Variants in EFCAB7 observed in about 807,000 individuals in gnomAD.
The protein encoded by EFCAB7 is EF-hand calcium binding domain 7, also known as EF-hand calcium-binding domain-containing protein 7.
EFCAB7 carries 66 observed loss-of-function variants against 77.1 expected under a neutral mutation model. The observed-to-expected ratio is 0.86, with a 90% confidence interval of 0.70 to 1.05. The LOEUF is 1.05. Ranked by LOEUF, EFCAB7 falls within the 50% of genes least tolerant of loss-of-function variation. EFCAB7 has a pLI of 0.00. For missense variants in EFCAB7, 638 were observed against 730.5 expected, an observed-to-expected ratio of 0.87 and a Z score of 1.46; for synonymous variants, 225 against 243.3, an observed-to-expected ratio of 0.92 and a Z score of 0.70.
chr1:63,583,938 C>CAAA, the EFCAB7 span, among the ~76,000 whole-genome samples: 693 of 82,582 alleles, frequency 8.4e-3, 11 homozygotes, highest in African/African-American at 0.03. Context: ...TGGATATGGC[C>CAAA]AAAAAAAAAA....
chr1:63,558,550 A>T (rs1050637318), intron 10 of EFCAB7, among the ~76,000 whole-genome samples: 31 of 152,302 alleles, frequency 2.0e-4, no homozygotes, highest in Admixed American at 1.8e-3. Context: ...AAAAGTCTCC[A>T]AGAGTTATTG....
chr1:63,529,224 A>G (rs770645845), intron 2 of EFCAB7: 3 of 152,226 alleles, frequency 2.0e-5, no homozygotes, highest in Admixed American at 6.5e-5. Flanking sequence ...CTCCAATGCA[A>G]TGAATTTCCA....
intron 2 of EFCAB7, among the ~76,000 whole-genome samples, chr1:63,530,911 T>A (rs755357024): frequency 1.3e-5 from 2 of 152,206 alleles, no homozygotes; most frequent in Non-Finnish European, 2.9e-5. Flanking sequence ...GGGTACAATT[T>A]GACATTTCAA....
Position 63,532,720 on chromosome 1 carries a change from T to C in EFCAB7, c.450T>C (p.Ala150=). 6.2e-7 allele frequency: 1 copy of C among 1,605,894 alleles called. No homozygotes were observed. Among genetic ancestry groups the C allele is most frequent in the Non-Finnish European group, 8.5e-7 (1 of 1,176,868 alleles). Residue 150 remains alanine, a synonymous_variant, in exon 4 of 14, where the codon GCT becomes GCC. Transcript: ENST00000371088. ...REEVNAIINL[A]DVNADGKFDY... ...AAGTAAATGCCATAATAAATTTGGCTGATGTAAATGCTGATGGCAAATTTG... is the reference window on the plus strand; with the variant it reads ...AAGTAAATGCCATAATAAATTTGGCCGATGTAAATGCTGATGGCAAATTTG...
the EFCAB7 span, among the ~76,000 whole-genome samples, chr1:63,584,568 TAC>T: frequency 6.6e-6 from 1 of 152,020 alleles, no homozygotes; most frequent in Non-Finnish European, 1.5e-5. Flanking sequence ...AGAAAAAAAT[TAC>T]AGTGTATTTC....
intron 10 of EFCAB7, among the ~76,000 whole-genome samples, chr1:63,560,659 G>A (rs1369233882): frequency 6.6e-6 from 1 of 151,804 alleles, no homozygotes; most frequent in Non-Finnish European, 1.5e-5. Context: ...GGGACTACAG[G>A]TGCATGCCAG....
At chr1:63,544,156 A>G (rs910651483) in intron 6 of EFCAB7, among the ~76,000 whole-genome samples, 1 of 151,352 alleles carries the variant, frequency 6.6e-6, no homozygotes, top group East Asian at 2.0e-4. Flanking sequence ...TTTAGTAGAG[A>G]TGGTGTTTTG....
At chr1:63,581,706 T>A in the EFCAB7 span, among the ~76,000 whole-genome samples, 1 of 152,178 alleles carries the variant, frequency 6.6e-6, no homozygotes, top group African/African-American at 2.4e-5. Flanking sequence ...ATTGGAAAAT[T>A]TTTTGGAGAT....
At chr1:63,560,908 G>C (rs1207728000) in intron 10 of EFCAB7, among the ~76,000 whole-genome samples, 1 of 152,166 alleles carries the variant, frequency 6.6e-6, no homozygotes, top group Non-Finnish European at 1.5e-5. Context: ...ACACAAAAGA[G>C]ATGCCATCTC....
At chr1:63,580,205 A>AT in the EFCAB7 span, among the ~76,000 whole-genome samples, 1 of 152,194 alleles carries the variant, frequency 6.6e-6, no homozygotes, top group African/African-American at 2.4e-5. Context: ...TACTTCATAC[A>AT]TTTATATGTG....
intron 12 of EFCAB7, chr1:63,570,725 A>G (rs1457998697): frequency 5.2e-6 from 1 of 193,944 alleles, no homozygotes; most frequent in African/African-American, 2.3e-5. Context: ...CACTATTGCT[A>G]TCATAAGTCA....
Position 63,529,442 on chromosome 1 carries a change from G to A in EFCAB7, c.188-2378G>A, listed in dbSNP as rs922508559. 9.9e-5 allele frequency among the ~76,000 whole-genome samples: 15 copies of A among 151,970 alleles called. No individual in the cohort carries two copies. The South Asian group carries it at 1.2e-3, about 13-fold the overall frequency. On this transcript the variant is annotated intron_variant, in intron 2 of 13. Coordinates refer to ENST00000371088, the MANE Select transcript of EFCAB7 (RefSeq NM_032437.4). Reference sequence around the variant, plus strand: ...GATTATAAAATTTCTTGCCAGGCGCGGTGGCTCATGCCTATAATCCCAGCA... The same window carrying A: ...GATTATAAAATTTCTTGCCAGGCGCAGTGGCTCATGCCTATAATCCCAGCA...
chr1:63,562,723 A>G (rs1415386276), intron 11 of EFCAB7, among the ~76,000 whole-genome samples: 1 of 149,418 alleles, frequency 6.7e-6, no homozygotes, highest in Non-Finnish European at 1.5e-5. Flanking sequence ...TACCCAGGCT[A>G]ATTTCTATAT....
intron 6 of EFCAB7, among the ~76,000 whole-genome samples, chr1:63,544,453 C>T (rs1472742262): frequency 6.6e-6 from 1 of 152,172 alleles, no homozygotes; most frequent in Non-Finnish European, 1.5e-5. Flanking sequence ...CACTCTGTCA[C>T]CCAGGCTGGA....
intron 10 of EFCAB7, among the ~76,000 whole-genome samples, chr1:63,560,747 C>T (rs950287995): frequency 3.3e-5 from 5 of 152,166 alleles, no homozygotes; most frequent in Non-Finnish European, 7.4e-5. Flanking sequence ...GTCTTGAACT[C>T]CTGAGCTCAG....
At chr1:63,565,751 A>G (rs376526356) in intron 11 of EFCAB7, among the ~76,000 whole-genome samples, 4 of 152,374 alleles carry the variant, frequency 2.6e-5, no homozygotes, top group Admixed American at 6.5e-5. Context: ...GCCAACAATC[A>G]TATGAAAAAA....
chr1:63,539,752 A>G (rs1379864171), intron 6 of EFCAB7, among the ~76,000 whole-genome samples: 1 of 152,230 alleles, frequency 6.6e-6, no homozygotes, highest in Non-Finnish European at 1.5e-5. Context: ...ATAGGTAAAT[A>G]TAAAAAATAT....
chr1:63,549,376 T>G (rs1332705714), intron 7 of EFCAB7: 6 of 470,356 alleles, frequency 1.3e-5, no homozygotes, highest in African/African-American at 2.0e-5. Flanking sequence ...TTACCAAGGT[T>G]TCTTTTTTAG....
chr1:63,542,130 C>T (rs1296315836), intron 6 of EFCAB7, among the ~76,000 whole-genome samples: 1 of 152,114 alleles, frequency 6.6e-6, no homozygotes, highest in Non-Finnish European at 1.5e-5. Context: ...CTGGCAACCA[C>T]CATTCTACTT....
Sources: allele counts gnomAD v4.1 joint callset (sites outside exome capture counted in the v4.1 genomes callset), GRCh38; gene constraint gnomAD v4.1.1; transcripts MANE v1.5; gene names NCBI Gene and HGNC (gene_info 2026-07-23, HGNC 2026-07-21).